PCSK2: variants seen among roughly 807,000 people sequenced by gnomAD.
PCSK2 encodes the protein proprotein convertase subtilisin/kexin type 2, also known as neuroendocrine convertase 2.
PCSK2 carries 14 observed loss-of-function variants against 69.7 expected under a neutral mutation model. The ratio of observed to expected loss-of-function variants is 0.20; its 90% CI spans 0.13 to 0.31. PCSK2 has a LOEUF of 0.31. Among genes scored for constraint, PCSK2 ranks in the 10% least tolerant of loss-of-function variants. PCSK2 has a pLI of 1.00. For missense variants in PCSK2, 544 were observed against 842.5 expected (o/e 0.65, Z 4.39); for synonymous variants, 307 against 320.7 (o/e 0.96, Z 0.46).
chr20:17,437,137 C>T (rs765806737), intron 8 of PCSK2, among the ~76,000 whole-genome samples: 1 of 148,102 alleles, frequency 6.8e-6, no homozygotes, highest in Admixed American at 6.8e-5. Flanking sequence ...AGGAAGGGGC[C>T]GGGGGGGGGA....
intron 2 of PCSK2, among the ~76,000 whole-genome samples, chr20:17,276,371 G>A (rs1041080850): frequency 6.6e-6 from 1 of 151,822 alleles, no homozygotes; most frequent in Non-Finnish European, 1.5e-5. Context: ...ATGCTGAAAT[G>A]TGTGGATTTG....
At position 17,482,123 on chromosome 20, in the gene PCSK2, C is replaced by T; in HGVS notation, c.*53C>T. ...CTCCCTCCCCAGCTCCGCCTCTGTC[C>T]TCGCTCCACGTTTCAGGCAGGCACC... On this transcript the variant is annotated 3_prime_UTR_variant, in exon 12 of 12. Coordinates refer to ENST00000262545, the MANE Select transcript of PCSK2 (RefSeq NM_002594.5). 13 of 1,497,852 alleles carry T rather than the reference C, an allele frequency of 8.7e-6. No homozygotes were observed. Among genetic ancestry groups the T allele is most frequent in the Non-Finnish European group, 1.2e-5 (13 of 1,127,312 alleles). The allele number at this position is 1,497,852 out of a possible 1,614,324, so 92.8% of individuals were successfully genotyped here.
chr20:17,263,216 T>C (rs1987461317), intron 2 of PCSK2: 2 of 693,380 alleles, frequency 2.9e-6, no homozygotes, highest in Non-Finnish European at 3.6e-6. Context: ...GCCTCTCATG[T>C]AACAACTAAT....
At chr20:17,325,405 A>G (rs1220502798) in intron 2 of PCSK2, among the ~76,000 whole-genome samples, 1 of 152,238 alleles carries the variant, frequency 6.6e-6, no homozygotes, top group Non-Finnish European at 1.5e-5. Context: ...CATATTTTCA[A>G]TGAGAAAGAT....
chr20:17,368,690 G>C (rs1485767787), intron 4 of PCSK2, among the ~76,000 whole-genome samples: 8 of 152,296 alleles, frequency 5.3e-5, no homozygotes, highest in South Asian at 2.1e-4. Context: ...CAGGGCTCCT[G>C]CTGAGACATT....
chr20:17,415,375 A>T (rs950046464), intron 6 of PCSK2, among the ~76,000 whole-genome samples: 15 of 152,228 alleles, frequency 9.9e-5, no homozygotes, highest in Non-Finnish European at 2.1e-4. Context: ...AATCACAAGC[A>T]TTTCTATACA....
intron 9 of PCSK2, among the ~76,000 whole-genome samples, chr20:17,454,773 G>A (rs997524955): frequency 6.6e-6 from 1 of 152,174 alleles, no homozygotes; most frequent in Non-Finnish European, 1.5e-5. Flanking sequence ...CTCCACTGAG[G>A]CTTCTTGAGA....
At chr20:17,362,385 A>G (rs1034678595) in intron 4 of PCSK2, among the ~76,000 whole-genome samples, 2 of 152,228 alleles carry the variant, frequency 1.3e-5, no homozygotes, top group Non-Finnish European at 2.9e-5. Context: ...AAAAACAACC[A>G]TATTATTATC....
chr20:17,270,324 T>C lies in PCSK2; in HGVS notation c.282+9980T>C, dbSNP rs544616669. Among the ~76,000 whole-genome samples, 4 of 152,274 alleles carry C rather than the reference T, an allele frequency of 2.6e-5. No homozygotes were observed. The East Asian group carries it at 7.7e-4, about 29-fold the overall frequency. On this transcript the variant is annotated intron_variant, in intron 2 of 11. Coordinates refer to ENST00000262545, the MANE Select transcript of PCSK2 (RefSeq NM_002594.5). ...TTTCTATAAACAGGTTTCACGGTCTTAAAGCCAAACCAAGGGAATTTTGAA... is the reference window on the plus strand; with the variant it reads ...TTTCTATAAACAGGTTTCACGGTCTCAAAGCCAAACCAAGGGAATTTTGAA...
chr20:17,312,527 G>A (rs538650375), intron 2 of PCSK2, among the ~76,000 whole-genome samples: 47 of 152,042 alleles, frequency 3.1e-4, no homozygotes, highest in South Asian at 8.4e-4. Flanking sequence ...AAACTAACCC[G>A]ACAACAAACT....
intron 8 of PCSK2, among the ~76,000 whole-genome samples, chr20:17,449,780 G>A (rs567004303): frequency 1.3e-5 from 2 of 151,832 alleles, no homozygotes; most frequent in East Asian, 1.9e-4. Flanking sequence ...ACCTGCCTCA[G>A]CCTCCCAAAG....
At chr20:17,288,504 T>C (rs1250694086) in intron 2 of PCSK2, among the ~76,000 whole-genome samples, 1 of 152,226 alleles carries the variant, frequency 6.6e-6, no homozygotes, top group Non-Finnish European at 1.5e-5. Context: ...GCTCATGTTC[T>C]GGGCTGAATT....
At chr20:17,439,538 G>A (rs1009541237) in intron 8 of PCSK2, among the ~76,000 whole-genome samples, 1 of 152,106 alleles carries the variant, frequency 6.6e-6, no homozygotes. Flanking sequence ...CTGAATGCTA[G>A]GCAATGTAAA....
At chr20:17,470,992 C>T (rs564321562) in intron 11 of PCSK2, among the ~76,000 whole-genome samples, 5 of 152,296 alleles carry the variant, frequency 3.3e-5, no homozygotes, top group African/African-American at 7.2e-5. Flanking sequence ...GAATGTACTG[C>T]GGCCCTCTTA....
In PCSK2 at chr20:17,481,977, G is replaced by T. The variant is rs752157054; in HGVS notation, c.1824G>T (p.Gln608His). Residue 608 changes from glutamine (Q) to histidine (H), a missense_variant, in exon 12 of 12, where the codon CAG becomes CAT. By Grantham distance (24) the Gln-to-His change is conservative (BLOSUM62 0). Around this residue, in one of 3 missense-constraint regions of PCSK2, gnomAD observed 200 missense variants for 287.8 expected, o/e 0.69. Transcript: ENST00000262545. Reference protein sequence around the residue: ...PYIDQVVRDYQSKLAMSKKEE... With the variant: ...PYIDQVVRDYHSKLAMSKKEE... ...TCGACCAGGTGGTGCGGGATTACCA[G>T]TCCAAGTTGGCCATGTCCAAGAAAG... 2.5e-6 allele frequency: 4 copies of T among 1,612,946 alleles called. No homozygotes were observed. The highest frequency in any genetic ancestry group is 2.5e-6 in the Non-Finnish European group (3 of 1,179,790).
At chr20:17,338,196 T>C (rs1472541178) in intron 2 of PCSK2, among the ~76,000 whole-genome samples, 3 of 151,028 alleles carry the variant, frequency 2.0e-5, no homozygotes, top group Non-Finnish European at 3.0e-5. Flanking sequence ...TGTTTTTGTT[T>C]TTTGTTTTTT....
At position 17,269,830 on chromosome 20, in the gene PCSK2, A is replaced by G. The variant is rs141214221; in HGVS notation, c.282+9486A>G. ...CTTTTTAATTTTGAGAAACTATAAA[A>G]GCCATGAGAAAGATCATGTTTGACT... is the stretch of plus-strand genomic sequence containing the variant. On this transcript the variant is annotated intron_variant, in intron 2 of 11. Transcript: ENST00000262545. 4.4e-3 allele frequency among the ~76,000 whole-genome samples: 668 copies of G among 152,278 alleles called. 4 individuals are homozygous for G. The highest frequency in any genetic ancestry group is 0.015 in the African/African-American group (635 of 41,562).
rs906039570 is a variant in PCSK2 at position 17,366,981 on chromosome 20, G to T, written c.506-2259G>T. 1.2e-4 allele frequency among the ~76,000 whole-genome samples: 18 copies of T among 151,906 alleles called. 1 individual carries two copies. The highest frequency in any genetic ancestry group is 6.6e-5 in the Admixed American group (1 of 15,254). On this transcript the variant is annotated intron_variant, in intron 4 of 11. Coordinates refer to ENST00000262545, the MANE Select transcript of PCSK2 (RefSeq NM_002594.5). ...GCCATGTTTCAAAAATTGACTTCCT[G>T]TTGGAAAATATATTCTCTGGGTGTG...
At chr20:17,270,422 C>CA (rs1987816188) in intron 2 of PCSK2, among the ~76,000 whole-genome samples, 1 of 152,054 alleles carries the variant, frequency 6.6e-6, no homozygotes, top group African/African-American at 2.4e-5. Context: ...GATAACAGTG[C>CA]AGCCAGGTCT....
Sources: allele counts gnomAD v4.1 joint callset (sites outside exome capture counted in the v4.1 genomes callset), GRCh38; gene constraint gnomAD v4.1.1; regional missense constraint gnomAD v4.1.1; transcripts MANE v1.5; gene names NCBI Gene and HGNC (gene_info 2026-07-23, HGNC 2026-07-21).